CMTM8: variants seen among roughly 807,000 people sequenced by gnomAD.
CMTM8 encodes the protein CKLF like MARVEL transmembrane domain containing 8.
CMTM8 carries 12 observed loss-of-function variants against 18.6 expected under a neutral mutation model. The ratio of observed to expected loss-of-function variants is 0.65; its 90% CI spans 0.41 to 1.05. The LOEUF (loss-of-function observed/expected upper bound fraction) is 1.05, where lower values mean the gene tolerates loss of function less well. Ranked by LOEUF, CMTM8 falls within the 50% of genes least tolerant of loss-of-function variation. The probability of loss-of-function intolerance (pLI) is 0.00; values close to 1 mark genes in which losing one functional copy is unlikely to be tolerated. For missense variants in CMTM8, 217 were observed against 227.2 expected (o/e 0.95, Z 0.29); for synonymous variants, 87 against 90.6 (o/e 0.96, Z 0.23).
intron 1 of CMTM8, among the ~76,000 whole-genome samples, chr3:32,246,025 C>G (rs1248775835): frequency 6.6e-6 from 1 of 152,194 alleles, no homozygotes; most frequent in Non-Finnish European, 1.5e-5. Context: ...ACGAAGTTAG[C>G]TAGGCTGGCC....
chr3:32,242,860 A>C (rs1029735198), intron 1 of CMTM8, among the ~76,000 whole-genome samples: 11 of 145,014 alleles, frequency 7.6e-5, no homozygotes, highest in Non-Finnish European at 1.5e-4. Flanking sequence ...ACAAAATACA[A>C]TTTTTTTTTT....
chr3:32,252,948 A>G (rs1243248322), intron 1 of CMTM8, among the ~76,000 whole-genome samples: 1 of 152,140 alleles, frequency 6.6e-6, no homozygotes, highest in Non-Finnish European at 1.5e-5. Context: ...TTAACTGTGT[A>G]CCCTTTTTAA....
intron 2 of CMTM8, among the ~76,000 whole-genome samples, chr3:32,361,204 C>A (rs1262428272): frequency 1.3e-5 from 2 of 151,994 alleles, no homozygotes; most frequent in Non-Finnish European, 2.9e-5. Context: ...TGGTCTCAAA[C>A]TCCCCAACTC....
At chr3:32,349,572 G>A (rs143712407) in intron 1 of CMTM8, among the ~76,000 whole-genome samples, 3 of 152,220 alleles carry the variant, frequency 2.0e-5, no homozygotes, top group African/African-American at 7.2e-5. Flanking sequence ...AGAACAATTG[G>A]CAATATCCAG....
At chr3:32,280,248 A>G (rs1702586327) in intron 1 of CMTM8, among the ~76,000 whole-genome samples, 1 of 152,114 alleles carries the variant, frequency 6.6e-6, no homozygotes, top group African/African-American at 2.4e-5. Context: ...ATTTCCTAGA[A>G]TGGAATTAAA....
intron 1 of CMTM8, among the ~76,000 whole-genome samples, chr3:32,333,764 T>C (rs1484716965): frequency 6.6e-6 from 1 of 152,058 alleles, no homozygotes; most frequent in Non-Finnish European, 1.5e-5. Context: ...GTGAAAATAC[T>C]GTGTGCTGGC....
chr3:32,353,728 T>C (rs1696757214), intron 1 of CMTM8, among the ~76,000 whole-genome samples: 1 of 152,268 alleles, frequency 6.6e-6, no homozygotes, highest in Non-Finnish European at 1.5e-5. Context: ...TTCTTGCATT[T>C]TTATAACTGG....
chr3:32,319,074 A>ATATATATATATTTTTTTTTTTTTTTT, intron 1 of CMTM8, among the ~76,000 whole-genome samples: 1 of 31,530 alleles, frequency 3.2e-5, no homozygotes, highest in Non-Finnish European at 5.1e-5. Flanking sequence ...ATATATATAT[A>ATATATATATATTTTTTTTTTTTTTTT]TTTTTTTTTT....
intron 1 of CMTM8, among the ~76,000 whole-genome samples, chr3:32,341,664 G>T (rs1696497068): frequency 6.6e-6 from 1 of 151,812 alleles, no homozygotes; most frequent in Admixed American, 6.6e-5. Context: ...ATCACCTGAG[G>T]TCAGGAGTTC....
rs553519943 is a variant in CMTM8 at position 32,238,990 on chromosome 3, C to T, written c.18C>T (p.Arg6=). ...GCTCGACGATGGAGGAGCCGCAGCG[C>T]GCCCGCTCGCACACAGTCACCACCA... is the stretch of plus-strand genomic sequence containing the variant. The part of the protein sequence containing the change: MEEPQ[R]ARSHTVTTTA... The change falls in exon 1 of 4, where the codon CGC becomes CGT. Residue 6 remains arginine (R), a synonymous_variant. Coordinates refer to ENST00000307526, the MANE Select transcript of CMTM8 (RefSeq NM_178868.5). The T allele has an allele frequency of 4.3e-5, 67 of 1,550,852 alleles. No individual in the cohort carries two copies. The African/African-American group carries it at 8.0e-4, about 18-fold the overall frequency.
At chr3:32,286,776 G>A (rs750927389) in intron 1 of CMTM8, among the ~76,000 whole-genome samples, 2 of 152,154 alleles carry the variant, frequency 1.3e-5, no homozygotes, top group Non-Finnish European at 2.9e-5. Context: ...GAAAAAAAAG[G>A]GCGCAAAAAA....
intron 1 of CMTM8, among the ~76,000 whole-genome samples, chr3:32,286,739 A>C (rs1362338216): frequency 3.9e-5 from 6 of 152,200 alleles, no homozygotes; most frequent in Non-Finnish European, 4.4e-5. Context: ...TATAAAATAC[A>C]CTAACACTAA....
At chr3:32,269,271 A>G (rs1220458357) in intron 1 of CMTM8, among the ~76,000 whole-genome samples, 2 of 152,224 alleles carry the variant, frequency 1.3e-5, no homozygotes, top group African/African-American at 4.8e-5. Context: ...TTCTGTTCTC[A>G]GGGAATTTCC....
chr3:32,364,451 C>T (rs1696991905), intron 2 of CMTM8, among the ~76,000 whole-genome samples: 1 of 152,032 alleles, frequency 6.6e-6, no homozygotes, highest in African/African-American at 2.4e-5. Context: ...TTGCAGTGAG[C>T]CAAAATCACG....
At chr3:32,320,894 G>A (rs4528984) in intron 1 of CMTM8, among the ~76,000 whole-genome samples, 129,324 of 152,000 alleles carry the variant, frequency 0.85, 55,178 homozygotes, top group East Asian at 1. Context: ...ATCTTATTTT[G>A]CTTCCAGTTC....
chr3:32,287,153 G>T (rs2125553829), intron 1 of CMTM8, among the ~76,000 whole-genome samples: 1 of 152,236 alleles, frequency 6.6e-6, no homozygotes, highest in East Asian at 1.9e-4. Context: ...TTGCTTTGAG[G>T]ACTAAAATGA....
intron 1 of CMTM8, among the ~76,000 whole-genome samples, chr3:32,318,564 AT>A (rs1215037595): frequency 0.14 from 17,679 of 125,138 alleles, 909 homozygotes; most frequent in African/African-American, 0.27. Context: ...GTCATTATTA[AT>A]TTTTTTTTTT....
At chr3:32,366,914 T>C (rs1697049230) in intron 2 of CMTM8, among the ~76,000 whole-genome samples, 1 of 152,162 alleles carries the variant, frequency 6.6e-6, no homozygotes, top group Non-Finnish European at 1.5e-5. Context: ...CTGAAGACAG[T>C]GTGAGCACAG....
intron 1 of CMTM8, among the ~76,000 whole-genome samples, chr3:32,262,976 A>G (rs1702277174): frequency 6.6e-6 from 1 of 152,262 alleles, no homozygotes; most frequent in South Asian, 2.1e-4. Context: ...TAAAAGCTAT[A>G]TTAAAAACCA....
Sources: gnomAD v4.1 joint callset for allele counts (sites outside exome capture counted in the v4.1 genomes callset) on GRCh38, gnomAD v4.1.1 for gene constraint, MANE v1.5 for transcripts, NCBI Gene and HGNC (gene_info 2026-07-23, HGNC 2026-07-21) for gene names.